ACOT11: variants seen among roughly 807,000 people sequenced by gnomAD.
The protein encoded by ACOT11 is acyl-coenzyme A thioesterase 11.
In ACOT11, 69 loss-of-function variants were observed where a neutral mutation model predicts 77.5. The observed-to-expected ratio is 0.89, with a 90% CI of 0.73 to 1.09. ACOT11 has a LOEUF of 1.09. Ranked by LOEUF, ACOT11 falls within the 50% of genes least tolerant of loss-of-function variation. The pLI, the probability that ACOT11 is intolerant of heterozygous loss-of-function variation, is 0.00. For synonymous variants in ACOT11, 279 were observed against 313.0 expected, an observed-to-expected ratio of 0.89 and a Z score of 1.15; for missense variants, 766 against 813.7, an observed-to-expected ratio of 0.94 and a Z score of 0.71.
downstream of ACOT11, chr1:54,610,344 A>G (rs1056132817): frequency 1.3e-6 from 2 of 1,577,516 alleles, no homozygotes; most frequent in Admixed American, 1.8e-5. Flanking sequence ...GACCGGCGGT[A>G]CCTGCCCCAA....
At chr1:54,620,072 C>A in intron 15 of ACOT11, 1 of 1,551,468 alleles carries the variant, frequency 6.4e-7, no homozygotes, top group South Asian at 1.2e-5. Flanking sequence ...CATGTTCGTT[C>A]ATCCCATGAC....
In ACOT11 at chr1:54,584,595, C is replaced by A. The variant is rs181201104; in HGVS notation, c.34-60C>A. ...CCTAAGTTCTCAGGGCTGGACAGAC[C>A]TGGGAGACCCTGCAGCAAGCAGACC... On this transcript the variant is annotated intron_variant, in intron 1 of 15. Transcript: ENST00000343744. The surrounding 1 kb of genome is among the most constrained non-coding windows in gnomAD (Gnocchi z 6.3). 1.2e-5 allele frequency: 19 copies of A among 1,522,396 alleles called. No individual in the cohort carries two copies. The East Asian group carries it at 4.5e-4, about 36-fold the overall frequency. 94.3% of individuals were successfully genotyped at this position (1,522,396 alleles called of 1,614,324 possible). A position where few individuals can be genotyped will look rare whatever the true frequency, so the allele number is the denominator to read the frequency against.
At chr1:54,634,027 A>C (rs1489509424) in intron 16 of ACOT11, among the ~76,000 whole-genome samples, 1 of 152,232 alleles carries the variant, frequency 6.6e-6, no homozygotes, top group African/African-American at 2.4e-5. Flanking sequence ...CACAGACTCC[A>C]ACTCCTTATT....
Position 54,548,494 on chromosome 1 carries a change from C to T in ACOT11, c.33+152C>T, listed in dbSNP as rs975055613. ...CTCTTTGGAAGGAGAAATCGCAGAACCCCTGGGCTGGTTTATTATCAGCAG... is the reference window on the plus strand; with the variant it reads ...CTCTTTGGAAGGAGAAATCGCAGAATCCCTGGGCTGGTTTATTATCAGCAG... On this transcript the variant is annotated intron_variant, in intron 1 of 15. Coordinates refer to ENST00000343744, the MANE Select transcript of ACOT11 (RefSeq NM_147161.4). 5 of 996,330 alleles carry T rather than the reference C, an allele frequency of 5.0e-6. No homozygotes were observed. The South Asian group carries it at 6.7e-5, about 13-fold the overall frequency. The allele number at this position is 996,330 out of a possible 1,614,324, so 61.7% of individuals were successfully genotyped here. A position where few individuals can be genotyped will look rare whatever the true frequency, so the allele number is the denominator to read the frequency against.
In ACOT11 at chr1:54,633,103, A is replaced by G. The variant is rs1414543125; in HGVS notation, c.1783-1585A>G. On this transcript the variant is annotated intron_variant, in intron 16 of 16. Coordinates refer to the ACOT11 transcript ENST00000371316. ...CTTCAAGCGGAAAAACAAAGTTCCC[A>G]GAAAAACAAAGTTCCTGCTAAAGAT... Among the ~76,000 whole-genome samples, 20 of 152,238 alleles carry G rather than the reference A, an allele frequency of 1.3e-4. No individual in the cohort carries two copies. In the East Asian group the frequency reaches 3.5e-3, roughly 26 times the overall value.
At chr1:54,602,634 G>C in intron 9 of ACOT11, 35 bp from the exon 10 acceptor site, 1 of 1,491,934 alleles carries the variant, frequency 6.7e-7, no homozygotes, top group Non-Finnish European at 8.9e-7. Context: ...CGGAGGGTGG[G>C]GGTAGCTGGT....
At chr1:54,580,939 G>A (rs564030087) in intron 1 of ACOT11, among the ~76,000 whole-genome samples, 1 of 152,332 alleles carries the variant, frequency 6.6e-6, no homozygotes, top group East Asian at 1.9e-4. Context: ...GGTGCTCTAA[G>A]GAAACGTATA....
downstream of ACOT11, chr1:54,612,633 G>T (rs758848018): frequency 3.1e-6 from 5 of 1,614,096 alleles, no homozygotes; most frequent in Admixed American, 5.0e-5. Flanking sequence ...CCTGTTTGGG[G>T]ACGTGGACAT....
chr1:54,623,251 C>T lies in ACOT11; in HGVS notation c.1630-7483C>T, dbSNP rs376756959. The T allele has an allele frequency of 3.3e-6, 5 of 1,524,472 alleles. No homozygotes were observed. In the African/African-American group the frequency reaches 5.5e-5, roughly 17 times the overall value. The allele number at this position is 1,524,472 out of a possible 1,614,324, so 94.4% of individuals were successfully genotyped here. On this transcript the variant is annotated intron_variant, in intron 15 of 16. Coordinates refer to the ACOT11 transcript ENST00000371316. ...GGAGCGAGCGATGAGGGAAGCCACT[C>T]AGGATGACATGGGGGGAGGCACCTA...
Position 54,603,892 on chromosome 1 carries a change from GCAGA to G in ACOT11, c.1112_1115del (p.Thr371ArgfsTer16), listed in dbSNP as rs774171438. On this transcript the variant is annotated frameshift_variant, in exon 11 of 16. Transcript: ENST00000343744. LOFTEE classifies it high-confidence loss of function. ...CCAGGAAGTACATCGTGTCCTGTAA[GCAGA>G]CAGAGGTGCCCCTCTCCGTCCCCTG... 1 of 1,614,010 alleles carries G rather than the reference GCAGA, an allele frequency of 6.2e-7. No homozygotes were observed. The highest frequency in any genetic ancestry group is 1.3e-5 in the African/African-American group (1 of 74,910).
chr1:54,601,473 G>A (rs544345938), intron 9 of ACOT11, 60 bp downstream of exon 9: 2 of 1,579,062 alleles, frequency 1.3e-6, no homozygotes, highest in African/African-American at 1.3e-5. Flanking sequence ...CTCTGCCCTG[G>A]CATGGTGGAG....
At position 54,585,874 on chromosome 1, in the gene ACOT11, T is replaced by C. The variant is rs1210101440; in HGVS notation, c.281T>C (p.Met94Thr). Residue 94 changes from methionine (M) to threonine (T), a missense_variant, in exon 3 of 16, where the codon ATG (methionine) becomes ACG (threonine). Transcript: ENST00000343744. ...HAGCPCVTAS[M>T]DDIYFEHTIS... ...GGCTGCCCCTGTGTCACAGCTTCCA[T>C]GGATGACATCTATTTTGAGCACACC... 2.5e-6 allele frequency: 4 copies of C among 1,614,002 alleles called. No individual in the cohort carries two copies. The highest frequency in any genetic ancestry group is 3.4e-6 in the Non-Finnish European group (4 of 1,180,002).
At chr1:54,610,376 G>T, downstream of ACOT11, 1 of 1,605,202 alleles carries the variant, frequency 6.2e-7, no homozygotes, top group Non-Finnish European at 8.5e-7. Context: ...CCCTGCAGAT[G>T]AGCTGGGAGC....
At chr1:54,613,745 C>CA (rs1644142575), downstream of ACOT11, among the ~76,000 whole-genome samples, 1 of 152,196 alleles carries the variant, frequency 6.6e-6, no homozygotes, top group Non-Finnish European at 1.5e-5. Context: ...TCCAGGAAGA[C>CA]AGGTCATATT....
At position 54,607,957 on chromosome 1, in the gene ACOT11, C is replaced by T. The variant is rs78753605; in HGVS notation, c.1518C>T (p.Ile506=). 2.8e-3 allele frequency: 4,487 copies of T among 1,613,880 alleles called. 121 individuals carry two copies. In the African/African-American group the frequency reaches 0.053, roughly 19 times the overall value. Residue 506 remains isoleucine (I), a synonymous_variant, in exon 15 of 16, where the codon ATC becomes ATT. Coordinates refer to ENST00000343744, the MANE Select transcript of ACOT11 (RefSeq NM_147161.4). The surrounding 1 kb of genome is among the most constrained non-coding windows in gnomAD (Gnocchi z 4.5). Reference sequence around the variant, plus strand: ...CTTCACTCAGGGACCCCTATGTCATCGCGCTGAGGTCGGTCACGCTGCCCA... The same window carrying T: ...CTTCACTCAGGGACCCCTATGTCATTGCGCTGAGGTCGGTCACGCTGCCCA... The part of the protein sequence containing the change: ...KPCDNGDPYV[I]ALRSVTLPTH...
intron 1 of ACOT11, among the ~76,000 whole-genome samples, chr1:54,577,964 G>C (rs1249470627): frequency 6.6e-6 from 1 of 152,136 alleles, no homozygotes; most frequent in Admixed American, 6.5e-5. Flanking sequence ...CATGTCCTTG[G>C]TTCCTTAGGA....
At chr1:54,578,408 A>G (rs1185846378) in intron 1 of ACOT11, among the ~76,000 whole-genome samples, 5 of 152,232 alleles carry the variant, frequency 3.3e-5, no homozygotes, top group Non-Finnish European at 4.4e-5. Flanking sequence ...CCTGAAAAGC[A>G]TCACACTACT....
At chr1:54,553,883 T>G (rs937128942) in intron 1 of ACOT11, among the ~76,000 whole-genome samples, 1 of 152,086 alleles carries the variant, frequency 6.6e-6, no homozygotes, top group Admixed American at 6.6e-5. Flanking sequence ...TTTCACTTAA[T>G]ATAACATACT....
At chr1:54,565,439 G>C (rs1281480536) in intron 1 of ACOT11, among the ~76,000 whole-genome samples, 1 of 152,200 alleles carries the variant, frequency 6.6e-6, no homozygotes, top group Non-Finnish European at 1.5e-5. Flanking sequence ...CCCTCCAGCT[G>C]ATGTCCCCTC....
Sources: allele counts gnomAD v4.1 joint callset (sites outside exome capture counted in the v4.1 genomes callset), GRCh38; gene constraint gnomAD v4.1.1; non-coding constraint Gnocchi (gnomAD v3.1); transcripts MANE v1.5; gene names NCBI Gene and HGNC (gene_info 2026-07-23, HGNC 2026-07-21).